Variants in MUC7 observed in about 807,000 individuals in gnomAD.
MUC7 encodes mucin 7, secreted, also known as mucin-7.
MUC7 carries 2 observed loss-of-function variants against 2.5 expected under a neutral mutation model. That is an observed-to-expected ratio of 0.81 (90% CI 0.33 to 2.55). The LOEUF is 2.55. Among genes scored for constraint, MUC7 ranks in the 30% most tolerant of loss-of-function variants. MUC7 has a pLI of 0.11. For missense variants in MUC7, 408 were observed against 455.6 expected, an observed-to-expected ratio of 0.90 and a Z score of 0.95; for synonymous variants, 133 against 173.4, an observed-to-expected ratio of 0.77 and a Z score of 1.83.
At chr4:70,436,254 C>G (rs996616078) in intron 1 of MUC7, among the ~76,000 whole-genome samples, 21 of 152,246 alleles carry the variant, frequency 1.4e-4, no homozygotes, top group Admixed American at 7.9e-4. Flanking sequence ...GGCCTGCCTG[C>G]TAGGTTGGGG....
intron 2 of MUC7, among the ~76,000 whole-genome samples, chr4:70,474,563 CTAGG>C (rs35293664): frequency 0.34 from 50,821 of 151,316 alleles, 9,437 homozygotes; most frequent in Admixed American, 0.43. Context: ...GGTAGATAGA[CTAGG>C]TAGGTAGGTA....
chr4:70,457,170 T>C (rs1734435392), intron 1 of MUC7, among the ~76,000 whole-genome samples: 1 of 152,118 alleles, frequency 6.6e-6, no homozygotes, highest in African/African-American at 2.4e-5. Flanking sequence ...TGGCCAGGTG[T>C]GGTGGCTCAT....
chr4:70,481,583 C>T lies in MUC7; in HGVS notation c.839C>T (p.Thr280Ile). 4 of 1,612,218 alleles carry T rather than the reference C, an allele frequency of 2.5e-6. No homozygotes were observed. Among genetic ancestry groups the T allele is most frequent in the Non-Finnish European group, 3.4e-6 (4 of 1,179,190 alleles). The part of the protein sequence containing the change: ...DPSSASAPPE[T>I]TAAPPTPSAT... ...TCATCCGCCTCAGCTCCACCAGAGA[C>T]CACAGCTGCCCCACCCACACCTTCT... The change falls in exon 3 of 3, where the codon ACC becomes ATC. Residue 280 changes from threonine to isoleucine, a missense_variant. Physicochemically the swap from Thr to Ile is moderately conservative, Grantham distance 89. This residue lies in a region of MUC7 where 175 missense variants were observed against 187.1 expected (regional missense o/e 0.94). Transcript: ENST00000304887.
intron 2 of MUC7, among the ~76,000 whole-genome samples, chr4:70,475,208 G>T (rs1015630861): frequency 6.6e-6 from 1 of 152,102 alleles, no homozygotes; most frequent in Non-Finnish European, 1.5e-5. Flanking sequence ...GAACCTGGGA[G>T]GCAGAGTTTG....
chr4:70,434,534 T>C (rs1733774560), intron 1 of MUC7, among the ~76,000 whole-genome samples: 1 of 152,208 alleles, frequency 6.6e-6, no homozygotes. Flanking sequence ...TCTCTGATGG[T>C]AGCTTATATT....
intron 1 of MUC7, among the ~76,000 whole-genome samples, chr4:70,432,375 G>C (rs553506907): frequency 6.6e-6 from 1 of 152,322 alleles, no homozygotes; most frequent in African/African-American, 2.4e-5. Context: ...CAGTGTAAAA[G>C]TGTTCCATTT....
At chr4:70,454,290 C>T (rs1352691) in intron 1 of MUC7, among the ~76,000 whole-genome samples, 18,712 of 152,174 alleles carry the variant, frequency 0.12, 1,300 homozygotes, top group East Asian at 0.21. Context: ...CTTTAGCCAG[C>T]GATGGCAAGG....
intron 1 of MUC7, among the ~76,000 whole-genome samples, chr4:70,448,284 T>C (rs1321929859): frequency 6.6e-6 from 1 of 152,186 alleles, no homozygotes; most frequent in African/African-American, 2.4e-5. Flanking sequence ...TTAATTACCT[T>C]TCTTTTGGGT....
chr4:70,455,035 T>C (rs1247316409), intron 1 of MUC7, among the ~76,000 whole-genome samples: 1 of 152,286 alleles, frequency 6.6e-6, no homozygotes, highest in East Asian at 1.9e-4. Context: ...ATTTATATTT[T>C]ATATTTTTTT....
At chr4:70,461,759 T>G (rs1166824204) in intron 1 of MUC7, among the ~76,000 whole-genome samples, 1 of 152,032 alleles carries the variant, frequency 6.6e-6, no homozygotes, top group African/African-American at 2.4e-5. Flanking sequence ...AGATTAGGTT[T>G]TGCTAAACAC....
upstream of MUC7, among the ~76,000 whole-genome samples, chr4:70,470,192 G>C (rs536242108): frequency 1.3e-5 from 2 of 152,292 alleles, no homozygotes; most frequent in East Asian, 3.9e-4. Context: ...TCACTCACAA[G>C]TGGGAGTTAA....
At chr4:70,460,479 T>TC (rs977558003) in intron 1 of MUC7, among the ~76,000 whole-genome samples, 1 of 151,204 alleles carries the variant, frequency 6.6e-6, no homozygotes, top group African/African-American at 2.4e-5. Flanking sequence ...TCTTTTTTTT[T>TC]TTTGAGATGG....
At chr4:70,430,884 A>T (rs1176510516) in intron 1 of MUC7, among the ~76,000 whole-genome samples, 1 of 152,164 alleles carries the variant, frequency 6.6e-6, no homozygotes, top group Non-Finnish European at 1.5e-5. Flanking sequence ...GTATGACAAA[A>T]AATTCATGAG....
intron 1 of MUC7, among the ~76,000 whole-genome samples, chr4:70,455,775 C>T (rs186254234): frequency 3.0e-4 from 45 of 152,270 alleles, no homozygotes; most frequent in African/African-American, 4.8e-4. Context: ...TCACACGCCA[C>T]GCCCCTCCCA....
In MUC7 at chr4:70,474,039, G is replaced by GT; in HGVS notation, c.21dup (p.Val8CysfsTer14). On this transcript the variant is annotated frameshift_variant, in exon 2 of 3. Coordinates refer to ENST00000304887, the MANE Select transcript of MUC7 (RefSeq NM_152291.3). LOFTEE classifies it low-confidence loss of function (END_TRUNC). ...CAGAAAGAATGAAAACTCTGCCGCT[G>GT]TTTGTGTGCATCTGTGCACTGAGTG... 4 of 1,613,020 alleles carry GT rather than the reference G, an allele frequency of 2.5e-6. No homozygotes were observed. The highest frequency in any genetic ancestry group is 3.4e-6 in the Non-Finnish European group (4 of 1,179,428).
intron 2 of MUC7, 97 bp from the exon 3 acceptor site, chr4:70,480,702 C>T: frequency 7.9e-7 from 1 of 1,267,704 alleles, no homozygotes; most frequent in Non-Finnish European, 1.1e-6. Flanking sequence ...CTAATCCCAG[C>T]ATTCCACAAA....
intron 2 of MUC7, among the ~76,000 whole-genome samples, chr4:70,478,189 T>G (rs1735061179): frequency 6.6e-6 from 1 of 152,234 alleles, no homozygotes; most frequent in Admixed American, 6.5e-5. Context: ...AGGTATTATT[T>G]TGGTCACCTA....
chr4:70,479,035 G>T (rs910182782), intron 2 of MUC7, among the ~76,000 whole-genome samples: 1 of 152,196 alleles, frequency 6.6e-6, no homozygotes, highest in African/African-American at 2.4e-5. Context: ...GATGGATGTT[G>T]TGGAGAATGT....
intron 2 of MUC7, among the ~76,000 whole-genome samples, chr4:70,477,800 C>T (rs1447587438): frequency 2.0e-5 from 3 of 152,138 alleles, no homozygotes; most frequent in Non-Finnish European, 4.4e-5. Context: ...GTAAACCACT[C>T]AGAATAGGGC....
Sources: gnomAD v4.1 joint callset for allele counts (sites outside exome capture counted in the v4.1 genomes callset) on GRCh38, gnomAD v4.1.1 for gene constraint, gnomAD v4.1.1 regional missense constraint, MANE v1.5 for transcripts, NCBI Gene and HGNC (gene_info 2026-07-23, HGNC 2026-07-21) for gene names.